Variants in ITGAE observed in about 807,000 individuals in gnomAD.
ITGAE encodes integrin subunit alpha E, also known as integrin alpha-E.
A neutral mutation model predicts 136.5 loss-of-function variants in ITGAE; 99 were observed. The observed-to-expected ratio is 0.73, with a 90% CI of 0.62 to 0.86. ITGAE has a LOEUF of 0.86. ITGAE is among the 40% of genes least tolerant of loss of function. The pLI is 0.00. For synonymous variants in ITGAE, 613 were observed against 591.8 expected (o/e 1.04, Z -0.52); for missense variants, 1,447 against 1,515.3 (o/e 0.95, Z 0.75).
intron 12 of ITGAE, 67 bp downstream of exon 12, chr17:3,755,050 C>G: frequency 6.7e-7 from 1 of 1,498,242 alleles, no homozygotes. Context: ...CCCACCCTCG[C>G]CCAGGGAGCC....
intron 18 of ITGAE, among the ~76,000 whole-genome samples, chr17:3,743,909 G>A (rs2051650820): frequency 2.0e-5 from 3 of 151,416 alleles, no homozygotes; most frequent in African/African-American, 4.9e-5. Flanking sequence ...CGCCATGTTG[G>A]TCAGGCTGGT....
chr17:3,726,009 C>T (rs1481919957), intron 26 of ITGAE: 12 of 1,613,870 alleles, frequency 7.4e-6, no homozygotes, highest in Non-Finnish European at 9.3e-6. Flanking sequence ...CACCCTGTCG[C>T]GCTTGGAACG....
Position 3,735,914 on chromosome 17 carries a change from C to A in ITGAE, c.2523-965G>T, listed in dbSNP as rs140848994. On this transcript the variant is annotated intron_variant, in intron 20 of 30. Transcript: ENST00000263087. ...ATCCCAACACTTTGGGAGGCCGAGG[C>A]GGGTAGATCACCTGAGGTCAGGAGT... Among the ~76,000 whole-genome samples, 1,365 of 152,190 alleles carry A rather than the reference C, an allele frequency of 9.0e-3. 25 individuals are homozygous for A. Among genetic ancestry groups the A allele is most frequent in the African/African-American group, 0.031 (1,302 of 41,494 alleles).
At position 3,723,261 on chromosome 17, in the gene ITGAE, A is replaced by C. The variant is rs377339661; in HGVS notation, c.3237+27T>G. On this transcript the variant is annotated intron_variant, in intron 28 of 30. Transcript: ENST00000263087. ...ATGCCCGTGAGCAACTGGATAATCA[A>C]ATCTGGAGCATTTCAGTCTCAAACA... is the stretch of plus-strand genomic sequence containing the variant. The C allele has an allele frequency of 4.0e-5, 59 of 1,465,282 alleles. No homozygotes were observed. The Admixed American group carries it at 4.8e-4, about 12-fold the overall frequency. 90.8% of individuals were successfully genotyped at this position (1,465,282 alleles called of 1,614,324 possible).
At chr17:3,721,580 CT>C (rs1204139927) in intron 28 of ITGAE, 1 of 151,634 alleles carries the variant, frequency 6.6e-6, no homozygotes. Flanking sequence ...ACTCACAATT[CT>C]TTTTTTTTAA....
At chr17:3,733,156 T>C (rs901458152) in intron 21 of ITGAE, among the ~76,000 whole-genome samples, 2 of 151,882 alleles carry the variant, frequency 1.3e-5, no homozygotes, top group African/African-American at 4.8e-5. Flanking sequence ...GCTAATTTTT[T>C]GTATTTTTAA....
intron 26 of ITGAE, chr17:3,725,995 A>G: frequency 6.2e-7 from 1 of 1,613,880 alleles, no homozygotes; most frequent in Non-Finnish European, 8.5e-7. Flanking sequence ...AGCATCATTG[A>G]CTACACCCTG....
Position 3,751,691 on chromosome 17 carries a change from A to G in ITGAE, c.1852T>C (p.Tyr618His), listed in dbSNP as rs766519716. 3 of 1,613,884 alleles carry G rather than the reference A, an allele frequency of 1.9e-6. No homozygotes were observed. In the African/African-American group the frequency reaches 4.0e-5, roughly 22 times the overall value. The change falls in exon 15 of 31, where the codon TAC becomes CAC. Residue 618 changes from tyrosine (Y) to histidine (H), a missense_variant. Tyr to His is a moderately conservative substitution (Grantham distance 83). Around this residue, in one of 3 missense-constraint regions of ITGAE, gnomAD observed 1,031 missense variants for 1,011.4 expected, o/e 1.02. Transcript: ENST00000263087. ...GAGAGGCCGTCCCAGTGTCCATTGT[A>G]GATATACACACTGCCGAAGCTGGCA... ...DGASFGSVYI[Y>H]NGHWDGLSAS...
At chr17:3,732,085 C>CAAACAAAA (rs1210563795) in intron 22 of ITGAE, among the ~76,000 whole-genome samples, 5 of 151,724 alleles carry the variant, frequency 3.3e-5, no homozygotes, top group South Asian at 2.1e-4. Flanking sequence ...CAAAAACAAA[C>CAAACAAAA]AAACAAAAAA....
intron 1 of ITGAE, among the ~76,000 whole-genome samples, chr17:3,780,147 GTTTT>G (rs1021599014): frequency 1.4e-5 from 2 of 147,360 alleles, no homozygotes; most frequent in African/African-American, 2.5e-5. Context: ...CTAATTTTTG[GTTTT>G]TTTGTTTGTT....
intron 13 of ITGAE, 131 bp from the exon 14 acceptor site, chr17:3,753,561 T>A: frequency 8.1e-7 from 1 of 1,239,958 alleles, no homozygotes. Flanking sequence ...TCACTGAGAG[T>A]AACAGAAGAG....
chr17:3,795,902 T>TGTGTATGCGCATCC (rs2053061555), intron 1 of ITGAE, among the ~76,000 whole-genome samples: 3 of 149,340 alleles, frequency 2.0e-5, no homozygotes, highest in Non-Finnish European at 4.4e-5. Context: ...TGTGTGCATC[T>TGTGTATGCGCATCC]GTGTATGCGC....
Position 3,723,259 on chromosome 17 carries a change from C to A in ITGAE, c.3237+29G>T, listed in dbSNP as rs62072592. On this transcript the variant is annotated intron_variant, in intron 28 of 30. Coordinates refer to ENST00000263087, the MANE Select transcript of ITGAE (RefSeq NM_002208.5). ...CGATGCCCGTGAGCAACTGGATAAT[C>A]AAATCTGGAGCATTTCAGTCTCAAA... 56 of 1,448,398 alleles carry A rather than the reference C, an allele frequency of 3.9e-5. 4 individuals carry two copies. The highest frequency in any genetic ancestry group is 1.8e-4 in the East Asian group (8 of 44,076). 89.7% of individuals were successfully genotyped at this position (1,448,398 alleles called of 1,614,324 possible).
intron 12 of ITGAE, 102 bp downstream of exon 12, chr17:3,755,015 G>C: frequency 2.2e-3 from 418 of 189,972 alleles, no homozygotes; most frequent in Middle Eastern, 4.4e-3. Context: ...GGTAGGCCCC[G>C]CCCTCGCCCA....
At chr17:3,785,322 A>C (rs1437957399) in intron 1 of ITGAE, among the ~76,000 whole-genome samples, 1 of 152,112 alleles carries the variant, frequency 6.6e-6, no homozygotes, top group Non-Finnish European at 1.5e-5. Context: ...CACAAAAATC[A>C]GGCAGGCATG....
In ITGAE at chr17:3,751,658, G is replaced by T. The variant is rs201499687; in HGVS notation, c.1885C>A (p.Pro629Thr). The change falls in exon 15 of 31, where the codon CCC becomes ACC. Residue 629 changes from proline to threonine, a missense_variant. Pro to Thr is a conservative substitution (Grantham distance 38). This residue lies in a region of ITGAE where 1,031 missense variants were observed against 1,011.4 expected (regional missense o/e 1.02). Transcript: ENST00000263087. Reference sequence around the variant, plus strand: ...AGGGCCCCATGGGTCACCTGCGAGGGGCTGGCGGAGAGGCCGTCCCAGTGT... The same window carrying T: ...AGGGCCCCATGGGTCACCTGCGAGGTGCTGGCGGAGAGGCCGTCCCAGTGT... ...NGHWDGLSAS[P>T]SQRIRASTVA... The T allele has an allele frequency of 6.2e-7, 1 of 1,613,764 alleles. No homozygotes were observed. The highest frequency in any genetic ancestry group is 8.5e-7 in the Non-Finnish European group (1 of 1,179,810).
chr17:3,730,011 G>C (rs1249517843), intron 23 of ITGAE, among the ~76,000 whole-genome samples: 2 of 152,128 alleles, frequency 1.3e-5, no homozygotes, highest in Non-Finnish European at 2.9e-5. Flanking sequence ...AGCCCAACAC[G>C]CATTAGCTAT....
intron 2 of ITGAE, among the ~76,000 whole-genome samples, chr17:3,770,592 A>C (rs2052396950): frequency 1.3e-5 from 2 of 152,126 alleles, no homozygotes; most frequent in South Asian, 2.1e-4. Flanking sequence ...GCCTTTTTCT[A>C]GGCCCGAGTT....
At chr17:3,757,286 T>C (rs997181533) in intron 9 of ITGAE, 152 bp from the exon 10 acceptor site, 5 of 1,013,148 alleles carry the variant, frequency 4.9e-6, no homozygotes, top group African/African-American at 1.6e-5. Flanking sequence ...GTTCTACCCA[T>C]ACTCTGGGCA....
Sources: gnomAD v4.1 joint callset for allele counts (sites outside exome capture counted in the v4.1 genomes callset) on GRCh38, gnomAD v4.1.1 for gene constraint, gnomAD v4.1.1 regional missense constraint, MANE v1.5 for transcripts, NCBI Gene and HGNC (gene_info 2026-07-23, HGNC 2026-07-21) for gene names.